ROS1: variants seen among roughly 807,000 people sequenced by gnomAD.
ROS1 encodes the protein proto-oncogene tyrosine-protein kinase ROS.
In ROS1, 263 loss-of-function variants were observed where a neutral mutation model predicts 273.5. The observed-to-expected ratio is 0.96, with a 90% CI of 0.87 to 1.06. ROS1 has a LOEUF of 1.06. ROS1 is among the 50% of genes least tolerant of loss of function. ROS1 has a pLI of 0.00. For synonymous variants in ROS1, 1,008 were observed against 954.1 expected, an observed-to-expected ratio of 1.06 and a Z score of -1.04; for missense variants, 2,833 against 2,751.1, an observed-to-expected ratio of 1.03 and a Z score of -0.67.
In ROS1 at chr6:117,403,210, A is replaced by T. The variant is rs898152846; in HGVS notation, c.533T>A (p.Val178Asp). 8 of 1,612,220 alleles carry T rather than the reference A, an allele frequency of 5.0e-6. No individual in the cohort carries two copies. The Admixed American group carries it at 1.3e-4, about 27-fold the overall frequency. The change falls in exon 7 of 44, where the codon GTT (valine) becomes GAT (aspartate). Residue 178 changes from valine to aspartate, a missense_variant. Physicochemically the swap from Val to Asp is radical, Grantham distance 152 (BLOSUM62 -3). Transcript: ENST00000368507. ...CTGCAGCTGCGCTGTGAAGATCCAA[A>T]CCACTCGGAAAATGTACTCAGTGAA... ...HPFTEYIFRV[V>D]WIFTAQLQLY...
chr6:117,372,996 G>C (rs914939461), intron 18 of ROS1, among the ~76,000 whole-genome samples: 2 of 152,140 alleles, frequency 1.3e-5, no homozygotes, highest in African/African-American at 4.8e-5. Flanking sequence ...TGCTTGGTGC[G>C]TTTACAATAC....
rs3752566 is a variant in ROS1, at chr6:117,317,162, C to G, written c.6098G>C (p.Arg2033Pro). Residue 2033 changes from arginine to proline, a missense_variant, in exon 39 of 44, where the codon CGT (arginine) becomes CCT (proline). Coordinates refer to ENST00000368507, the MANE Select transcript of ROS1 (RefSeq NM_001378902.1). ...GCCTACCGTTGCCATCCGGGCTTTA[C>G]GCAAATAAGTAAGAAGGTCTCCTCC... ...MEGGDLLTYLRKARMATFYGP... is the reference protein window; with the variant it reads ...MEGGDLLTYLPKARMATFYGP... 1.9e-6 allele frequency: 3 copies of G among 1,612,714 alleles called. No individual in the cohort carries two copies. The highest frequency in any genetic ancestry group is 2.5e-6 in the Non-Finnish European group (3 of 1,179,386).
chr6:117,305,516 T>C (rs951809730), intron 42 of ROS1, among the ~76,000 whole-genome samples: 1 of 152,202 alleles, frequency 6.6e-6, no homozygotes, highest in African/African-American at 2.4e-5. Flanking sequence ...CATTACTCTG[T>C]ACTTAATTTT....
rs2128555647 is a variant in ROS1, at chr6:117,317,214, G to A, written c.6046C>T (p.Gln2016Ter). ...TCCATCAGTTCCAGGATAATGTATT[G>A]GGGTTCATTCAGCAGACAAACTCCA... ...QLGVCLLNEP[Q>*]YIILELMEGG... The change falls in exon 39 of 44, where the codon CAA (glutamine) becomes TAA (stop). Residue 2016 changes from glutamine to a stop codon, truncating the protein, a stop_gained. Coordinates refer to ENST00000368507, the MANE Select transcript of ROS1 (RefSeq NM_001378902.1). LOFTEE classifies it high-confidence loss of function. 6.2e-7 allele frequency: 1 copy of A among 1,613,334 alleles called. No homozygotes were observed. The highest frequency in any genetic ancestry group is 8.5e-7 in the Non-Finnish European group (1 of 1,179,604).
intron 5 of ROS1, among the ~76,000 whole-genome samples, chr6:117,406,278 T>C (rs1182881912): frequency 6.6e-6 from 1 of 152,166 alleles, no homozygotes; most frequent in Non-Finnish European, 1.5e-5. Context: ...TATTAGCTAT[T>C]ACCATTTTCC....
chr6:117,326,289 A>G lies in ROS1; in HGVS notation c.5474T>C (p.Val1825Ala), dbSNP rs1266780413. The G allele has an allele frequency of 6.2e-7, 1 of 1,601,656 alleles. No homozygotes were observed. The highest frequency in any genetic ancestry group is 8.5e-7 in the Non-Finnish European group (1 of 1,175,660). ...NLKGIFQFRVVAANNLGFGEY... is the reference protein window; with the variant it reads ...NLKGIFQFRVAAANNLGFGEY... ...ACCAAACCCTAGATTATTTGCAGCT[A>G]CTACTCTGAACTGAAATATTCCTTT... Residue 1825 changes from valine to alanine, a missense_variant, in exon 34 of 44, where the codon GTA becomes GCA. By Grantham distance (64) the Val-to-Ala change is moderately conservative. Transcript: ENST00000368507.
At chr6:117,404,246 G>C (rs2128726093) in intron 6 of ROS1, 34 bp downstream of exon 6, 1 of 1,599,914 alleles carries the variant, frequency 6.3e-7, no homozygotes, top group Non-Finnish European at 8.5e-7. Context: ...TTGGGAAGGG[G>C]TCTGGGTTGA....
intron 43 of ROS1, among the ~76,000 whole-genome samples, 161 bp from the exon 44 acceptor site, chr6:117,288,963 A>G (rs1773630772): frequency 6.6e-6 from 1 of 152,234 alleles, no homozygotes; most frequent in African/African-American, 2.4e-5. Flanking sequence ...CAAATAAAAC[A>G]TGCTTCTTGT....
At chr6:117,368,980 T>A (rs895498752) in intron 18 of ROS1, among the ~76,000 whole-genome samples, 2 of 152,188 alleles carry the variant, frequency 1.3e-5, no homozygotes, top group African/African-American at 4.8e-5. Flanking sequence ...TACTTGTTTT[T>A]ACTTTTTTTA....
At chr6:117,343,246 T>G (rs1778094524) in intron 28 of ROS1, among the ~76,000 whole-genome samples, 1 of 152,170 alleles carries the variant, frequency 6.6e-6, no homozygotes, top group African/African-American at 2.4e-5. Flanking sequence ...CTATCTGAAA[T>G]TACTTATTTT....
Position 117,385,761 on chromosome 6 carries a change from T to C in ROS1, c.2211A>G (p.Leu737=). The C allele has an allele frequency of 6.2e-7, 1 of 1,614,132 alleles. No homozygotes were observed. Among genetic ancestry groups the C allele is most frequent in the Non-Finnish European group, 8.5e-7 (1 of 1,180,014 alleles). ...AAGCCCCTGCTCCTGCAATGCTGGG[T>C]AGGTGATAATTCTCTGAGATATCCG... ...NGTDISENYH[L]PSIAGAGALA... is the part of the protein sequence containing the mutation. Residue 737 remains leucine, a synonymous_variant, in exon 16 of 44, where the codon CTA becomes CTG. Transcript: ENST00000368507.
At chr6:117,312,574 T>C (rs1775622290) in intron 39 of ROS1, among the ~76,000 whole-genome samples, 1 of 152,132 alleles carries the variant, frequency 6.6e-6, no homozygotes. Context: ...CTACTCTACC[T>C]GTGAAGACTT....
At chr6:117,410,996 TG>T (rs1774857645) in intron 4 of ROS1, among the ~76,000 whole-genome samples, 1 of 152,072 alleles carries the variant, frequency 6.6e-6, no homozygotes, top group African/African-American at 2.4e-5. Context: ...TTATATAACA[TG>T]AGGGGTTTTT....
chr6:117,365,289 T>G, intron 20 of ROS1, 85 bp from the exon 21 acceptor site: 1 of 1,381,522 alleles, frequency 7.2e-7, no homozygotes. Context: ...CTCCAAACTT[T>G]AGTTCACATG....
rs753176603 is a variant in ROS1, at chr6:117,326,267, A to G, written c.5496T>C (p.Phe1832=). Residue 1832 remains phenylalanine (F), a synonymous_variant, in exon 34 of 44, where the codon TTT becomes TTC. Coordinates refer to ENST00000368507, the MANE Select transcript of ROS1 (RefSeq NM_001378902.1). ...FRVVAANNLG[F]GEYSGISENI... ...TCTCACTGATTCCACTATATTCACC[A>G]AACCCTAGATTATTTGCAGCTACTA... 2 of 1,602,186 alleles carry G rather than the reference A, an allele frequency of 1.2e-6. No individual in the cohort carries two copies. The highest frequency in any genetic ancestry group is 1.7e-6 in the Non-Finnish European group (2 of 1,176,592).
At chr6:117,387,035 G>A (rs766460332) in intron 14 of ROS1, 36 bp from the exon 15 acceptor site, 5 of 1,233,526 alleles carry the variant, frequency 4.1e-6, no homozygotes, top group Non-Finnish European at 4.8e-6. Context: ...GAAACATCAG[G>A]GAAAGCAAAC....
chr6:117,322,414 C>CT (rs1224889149), intron 35 of ROS1, among the ~76,000 whole-genome samples: 1 of 152,132 alleles, frequency 6.6e-6, no homozygotes, highest in African/African-American at 2.4e-5. Context: ...ATCCTATGCA[C>CT]TGTCTTACTT....
At chr6:117,373,429 C>T (rs1019228675) in intron 18 of ROS1, among the ~76,000 whole-genome samples, 16 of 152,250 alleles carry the variant, frequency 1.1e-4, no homozygotes, top group South Asian at 2.1e-4. Context: ...AGCCTTGCCC[C>T]GCAGGGAGGC....
At position 117,287,955 on chromosome 6, in the gene ROS1, A is replaced by G. The variant is rs1156514108; in HGVS notation, c.*537T>C. On this transcript the variant is annotated 3_prime_UTR_variant, in exon 44 of 44. Coordinates refer to ENST00000368507, the MANE Select transcript of ROS1 (RefSeq NM_001378902.1). ...AAAAAATTAAAAAAAGATAATATAT[A>G]TATCATTGCAGTAACAGCTTTCCAA... Among the ~76,000 whole-genome samples, 3 of 151,762 alleles carry G rather than the reference A, an allele frequency of 2.0e-5. No individual in the cohort carries two copies. The highest frequency in any genetic ancestry group is 4.4e-5 in the Non-Finnish European group (3 of 67,966).
Sources: gnomAD v4.1 joint callset for allele counts (sites outside exome capture counted in the v4.1 genomes callset) on GRCh38, gnomAD v4.1.1 for gene constraint, MANE v1.5 for transcripts, NCBI Gene and HGNC (gene_info 2026-07-23, HGNC 2026-07-21) for gene names.